Variants in COL26A1 observed in about 807,000 individuals in gnomAD.
COL26A1 encodes collagen type XXVI alpha 1 chain.
In COL26A1, 41 loss-of-function variants were observed where a neutral mutation model predicts 59.3. The ratio of observed to expected loss-of-function variants is 0.69; its 90% CI spans 0.54 to 0.90. The LOEUF is 0.90. Among genes scored for constraint, COL26A1 ranks in the 40% least tolerant of loss-of-function variants. The probability of loss-of-function intolerance (pLI) is 0.00; values close to 1 mark genes in which losing one functional copy is unlikely to be tolerated. For synonymous variants in COL26A1, 266 were observed against 256.0 expected, an observed-to-expected ratio of 1.04 and a Z score of -0.37; for missense variants, 612 against 602.3, an observed-to-expected ratio of 1.02 and a Z score of -0.17.
At chr7:101,386,003 G>T (rs1322613009) in intron 1 of COL26A1, among the ~76,000 whole-genome samples, 2 of 152,138 alleles carry the variant, frequency 1.3e-5, no homozygotes, top group Non-Finnish European at 2.9e-5. Flanking sequence ...GAGCCACCGC[G>T]CCCGGCCACA....
chr7:101,388,398 G>A (rs1228388584), intron 1 of COL26A1, among the ~76,000 whole-genome samples: 2 of 151,026 alleles, frequency 1.3e-5, no homozygotes, highest in South Asian at 2.1e-4. Flanking sequence ...TCCTGAACCC[G>A]GGAGACGGAG....
intron 9 of COL26A1, 98 bp downstream of exon 9, chr7:101,549,321 G>A: frequency 1.3e-6 from 1 of 755,672 alleles, no homozygotes; most frequent in South Asian, 1.7e-5. Context: ...ACCAGCAAGA[G>A]TCACTCAGGA....
chr7:101,511,047 C>T (rs1400570381), intron 3 of COL26A1, among the ~76,000 whole-genome samples: 2 of 151,688 alleles, frequency 1.3e-5, no homozygotes, highest in Non-Finnish European at 2.9e-5. Context: ...ACTACAGGCG[C>T]CCACCACCAT....
intron 2 of COL26A1, among the ~76,000 whole-genome samples, chr7:101,426,507 TCA>T (rs1315578685): frequency 6.6e-6 from 1 of 152,138 alleles, no homozygotes; most frequent in African/African-American, 2.4e-5. Context: ...GCATCACGTC[TCA>T]CACCACAGTG....
At chr7:101,543,072 A>C (rs895881131) in intron 5 of COL26A1, among the ~76,000 whole-genome samples, 1 of 152,216 alleles carries the variant, frequency 6.6e-6, no homozygotes, top group Non-Finnish European at 1.5e-5. Context: ...TTCCGAGGCC[A>C]GCAGCCCCCA....
intron 3 of COL26A1, among the ~76,000 whole-genome samples, chr7:101,465,476 C>T (rs1415544765): frequency 5.3e-5 from 8 of 152,018 alleles, no homozygotes; most frequent in Non-Finnish European, 1.2e-4. Context: ...GCCACTGCGC[C>T]TGGTCAGGAG....
At chr7:101,430,391 C>T (rs369557791) in intron 2 of COL26A1, among the ~76,000 whole-genome samples, 31 of 151,826 alleles carry the variant, frequency 2.0e-4, no homozygotes, top group Admixed American at 1.4e-3. Flanking sequence ...AGGGTTCAAG[C>T]GATTCTCCTG....
chr7:101,433,753 A>G (rs1207374939), intron 2 of COL26A1, among the ~76,000 whole-genome samples: 1 of 152,090 alleles, frequency 6.6e-6, no homozygotes, highest in Non-Finnish European at 1.5e-5. Flanking sequence ...CAGAGCAGCA[A>G]CAGGAGGGAA....
chr7:101,386,257 GTTTTTTTTT>G lies in COL26A1; in HGVS notation c.158+23082_158+23090del, dbSNP rs71106515. On this transcript the variant is annotated intron_variant, in intron 1 of 12. Transcript: ENST00000313669. ...GCCTCCTCTGGTCCTGTCCTAGCTT[GTTTTTTTTT>G]TTTTTTTTTTTTTTAATTTTTTGAG... Among the ~76,000 whole-genome samples the G allele has an allele frequency of 1.3e-4, 15 of 117,676 alleles. No homozygotes were observed. In the South Asian group the frequency reaches 4.2e-3, roughly 33 times the overall value. The allele number at this position is 117,676 out of a possible 152,430, so 77.2% of individuals were successfully genotyped here. A position where few individuals can be genotyped will look rare whatever the true frequency, so the allele number is the denominator to read the frequency against.
chr7:101,488,474 C>T (rs1233332240), intron 3 of COL26A1, among the ~76,000 whole-genome samples: 1 of 147,564 alleles, frequency 6.8e-6, no homozygotes, highest in Non-Finnish European at 1.5e-5. Context: ...TTCCTGGGTT[C>T]AAGTGATTCT....
intron 3 of COL26A1, among the ~76,000 whole-genome samples, chr7:101,510,025 G>GTTTTTTTTTTTTTTTTTTTTTT (rs1563019330): frequency 1.0e-5 from 1 of 98,128 alleles, no homozygotes; most frequent in African/African-American, 8.7e-5. Context: ...ATCGCGCCCA[G>GTTTTTTTTTTTTTTTTTTTTTT]TCTTTTTTTT....
intron 1 of COL26A1, among the ~76,000 whole-genome samples, chr7:101,369,509 C>T (rs1419727330): frequency 3.1e-5 from 4 of 130,836 alleles, no homozygotes; most frequent in African/African-American, 5.9e-5. Context: ...AGTGCAGTGG[C>T]GCAATCTCGG....
chr7:101,379,086 A>G (rs571418124), intron 1 of COL26A1, among the ~76,000 whole-genome samples: 1 of 151,974 alleles, frequency 6.6e-6, no homozygotes, highest in East Asian at 2.0e-4. Context: ...GGCTTCTGAC[A>G]TTTTTGTCAT....
chr7:101,548,889 G>T (rs1212090968), intron 8 of COL26A1, among the ~76,000 whole-genome samples: 2 of 152,164 alleles, frequency 1.3e-5, no homozygotes, highest in African/African-American at 4.8e-5. Flanking sequence ...CAGTCTGGAC[G>T]GACTTCCTCC....
At chr7:101,549,681 C>T (rs991535380) in intron 9 of COL26A1, among the ~76,000 whole-genome samples, 6 of 152,210 alleles carry the variant, frequency 3.9e-5, no homozygotes, top group Non-Finnish European at 7.3e-5. Context: ...TGCGCCCAGC[C>T]GAGATTTTAA....
intron 3 of COL26A1, among the ~76,000 whole-genome samples, chr7:101,516,859 G>A (rs1456456593): frequency 2.0e-5 from 3 of 152,142 alleles, no homozygotes; most frequent in African/African-American, 7.2e-5. Context: ...AGAACTATTC[G>A]GGGCAGCAAT....
At chr7:101,383,041 C>CA (rs66931819) in intron 1 of COL26A1, among the ~76,000 whole-genome samples, 9,317 of 151,716 alleles carry the variant, frequency 0.061, 659 homozygotes, top group African/African-American at 0.16. Context: ...GATCCTGTCT[C>CA]AAAAAAACAA....
chr7:101,395,062 G>A (rs1376201710), intron 1 of COL26A1, among the ~76,000 whole-genome samples: 4 of 151,354 alleles, frequency 2.6e-5, no homozygotes, highest in Admixed American at 6.6e-5. Flanking sequence ...TAGTAGAGAC[G>A]GGGTTTCTCC....
At chr7:101,417,487 T>C (rs1792398357) in intron 1 of COL26A1, among the ~76,000 whole-genome samples, 1 of 149,090 alleles carries the variant, frequency 6.7e-6, no homozygotes, top group Admixed American at 6.8e-5. Flanking sequence ...GTGAATCCAA[T>C]GCCTAATATC....
Sources: gnomAD v4.1 joint callset for allele counts (sites outside exome capture counted in the v4.1 genomes callset) on GRCh38, gnomAD v4.1.1 for gene constraint, MANE v1.5 for transcripts, NCBI Gene and HGNC (gene_info 2026-07-23, HGNC 2026-07-21) for gene names.